Variants in RETREG1 observed in about 807,000 individuals in gnomAD.
RETREG1 encodes the protein reticulophagy regulator 1.
A neutral mutation model predicts 54.8 loss-of-function variants in RETREG1; 44 were observed. That is an observed-to-expected ratio of 0.80 (90% CI 0.63 to 1.03). The LOEUF is 1.03. Among genes scored for constraint, RETREG1 ranks in the 50% least tolerant of loss-of-function variants. The pLI is 0.00. For missense variants in RETREG1, 554 were observed against 605.1 expected (o/e 0.92, Z 0.89); for synonymous variants, 217 against 238.5 (o/e 0.91, Z 0.83).
At position 16,561,761 on chromosome 5, in the gene RETREG1, C is replaced by G. The variant is rs31288; in HGVS notation, c.458+4002G>C. Reference sequence around the variant, plus strand: ...CTCAAACAGCTTCTGTATTAAGAGACAGCACAGCAGAAATTCTCACATGCA... The same window carrying G: ...CTCAAACAGCTTCTGTATTAAGAGAGAGCACAGCAGAAATTCTCACATGCA... On this transcript the variant is annotated intron_variant, in intron 3 of 8. Transcript: ENST00000306320. This position sits in a 1 kb window ranked among gnomAD's most constrained non-coding sequence, Gnocchi z 4.2. Among the ~76,000 whole-genome samples, 129,352 of 152,206 alleles carry G rather than the reference C, an allele frequency of 0.85. 55,148 individuals carry two copies. Among genetic ancestry groups the G allele is most frequent in the African/African-American group, 0.93 (38,750 of 41,548 alleles).
intron 3 of RETREG1, among the ~76,000 whole-genome samples, chr5:16,556,733 A>T (rs1741718171): frequency 1.3e-5 from 2 of 152,342 alleles, no homozygotes; most frequent in Middle Eastern, 3.4e-3. Context: ...TTTAAGGAGA[A>T]CATGTTGCCT....
intron 1 of RETREG1, among the ~76,000 whole-genome samples, chr5:16,615,752 AATTT>A (rs1339703746): frequency 1.3e-5 from 2 of 152,132 alleles, no homozygotes; most frequent in South Asian, 2.1e-4. Context: ...TATTTTGTGC[AATTT>A]ATTTATTTCT....
At chr5:16,553,695 G>A (rs1027653750) in intron 3 of RETREG1, among the ~76,000 whole-genome samples, 8 of 152,082 alleles carry the variant, frequency 5.3e-5, no homozygotes, top group Non-Finnish European at 1.0e-4. Context: ...GCAGCAGGAC[G>A]GGGTGGGCGG....
At chr5:16,511,267 G>C (rs1165873485) in intron 3 of RETREG1, among the ~76,000 whole-genome samples, 2 of 152,146 alleles carry the variant, frequency 1.3e-5, no homozygotes, top group Non-Finnish European at 2.9e-5. Flanking sequence ...AAGCTGGGCA[G>C]CAGCCAGGAG....
At chr5:16,508,871 T>C in intron 3 of RETREG1, 2 of 1,366,100 alleles carry the variant, frequency 1.5e-6, no homozygotes, top group Non-Finnish European at 1.9e-6. Flanking sequence ...CTTCTAAAAA[T>C]AAATAGGTCA....
At chr5:16,489,040 G>A (rs187581814) in intron 3 of RETREG1, among the ~76,000 whole-genome samples, 75 of 122,810 alleles carry the variant, frequency 6.1e-4, no homozygotes, top group African/African-American at 1.4e-3. Flanking sequence ...CCGAGATAGC[G>A]CCACTGCACT....
rs1738409800 is a variant in RETREG1, at chr5:16,473,877, T to G, written c.*864A>C. 1 of 152,140 alleles carries G rather than the reference T, an allele frequency of 6.6e-6. No individual in the cohort carries two copies. Among genetic ancestry groups the G allele is most frequent in the African/African-American group, 2.4e-5 (1 of 41,436 alleles). 9.4% of individuals were successfully genotyped at this position (152,140 alleles called of 1,614,324 possible). ...AACTAGTTTCACAATTTTAGGAGAC[T>G]TTTTTCATGACATAATATAAAAGAT... On this transcript the variant is annotated 3_prime_UTR_variant, in exon 9 of 9. Transcript: ENST00000306320.
At chr5:16,610,273 C>T (rs1027340716) in intron 1 of RETREG1, among the ~76,000 whole-genome samples, 12 of 152,214 alleles carry the variant, frequency 7.9e-5, no homozygotes, top group African/African-American at 2.9e-4. Flanking sequence ...CCAGGTCTCC[C>T]GCCAGGGGTG....
chr5:16,474,669 CT>C lies in RETREG1; in HGVS notation c.*71del, dbSNP rs200951949. 89,110 of 1,226,476 alleles carry C rather than the reference CT, an allele frequency of 0.073. 7 individuals are homozygous for C. Among genetic ancestry groups the C allele is most frequent in the East Asian group, 0.14 (4,941 of 36,502 alleles). 76.0% of individuals were successfully genotyped at this position (1,226,476 alleles called of 1,614,324 possible). On this transcript the variant is annotated 3_prime_UTR_variant, in exon 9 of 9. Coordinates refer to ENST00000306320, the MANE Select transcript of RETREG1 (RefSeq NM_001034850.3). The stretch of plus-strand genomic sequence containing the variant: ...CTTACAGTTCAATTTTTTTCTTTTC[CT>C]TTTTTTTTTTTTTTTCTTGTTTGAA...
intron 1 of RETREG1, among the ~76,000 whole-genome samples, chr5:16,614,524 G>T (rs144557020): frequency 1.7e-4 from 26 of 152,194 alleles, no homozygotes; most frequent in African/African-American, 4.8e-4. Context: ...AATATTCTTC[G>T]CAAGAGTGTG....
At chr5:16,486,763 T>G (rs1739036576) in intron 3 of RETREG1, among the ~76,000 whole-genome samples, 1 of 152,166 alleles carries the variant, frequency 6.6e-6, no homozygotes, top group East Asian at 1.9e-4. Flanking sequence ...CCAGAAGAGA[T>G]GAGGTGTGAT....
intron 1 of RETREG1, among the ~76,000 whole-genome samples, chr5:16,603,393 G>A (rs1743098209): frequency 1.3e-5 from 2 of 152,162 alleles, no homozygotes; most frequent in South Asian, 4.1e-4. Flanking sequence ...CAAAGTCTCT[G>A]AAGAATATTT....
At chr5:16,496,414 T>C (rs892819283) in intron 3 of RETREG1, among the ~76,000 whole-genome samples, 3 of 152,144 alleles carry the variant, frequency 2.0e-5, no homozygotes, top group Non-Finnish European at 4.4e-5. Context: ...CCCATCCACA[T>C]TGCCACCAGC....
intron 3 of RETREG1, among the ~76,000 whole-genome samples, chr5:16,516,951 GAA>G (rs11286663): frequency 2.6e-5 from 4 of 150,974 alleles, no homozygotes; most frequent in Non-Finnish European, 4.4e-5. Flanking sequence ...AAAAGTAAAT[GAA>G]AAAAAAAATC....
chr5:16,480,399 T>C (rs534799128), intron 5 of RETREG1, among the ~76,000 whole-genome samples: 21 of 152,256 alleles, frequency 1.4e-4, no homozygotes, highest in African/African-American at 4.8e-4. Context: ...TGGATTATAT[T>C]CTGCTTTTGG....
chr5:16,586,440 C>T (rs760494636), intron 1 of RETREG1, among the ~76,000 whole-genome samples: 1 of 152,114 alleles, frequency 6.6e-6, no homozygotes, highest in Non-Finnish European at 1.5e-5. Context: ...CTAAAACTGC[C>T]TCATCATCAT....
chr5:16,532,308 C>T (rs62369719), intron 3 of RETREG1, among the ~76,000 whole-genome samples: 10 of 152,250 alleles, frequency 6.6e-5, no homozygotes, highest in South Asian at 2.1e-4. Context: ...GGGCAGATCA[C>T]GAGGTCAGGA....
Position 16,529,684 on chromosome 5 carries a change from A to G in RETREG1, c.458+36079T>C, listed in dbSNP as rs1740850837. Among the ~76,000 whole-genome samples the G allele has an allele frequency of 3.3e-5, 5 of 151,886 alleles. No homozygotes were observed. The South Asian group carries it at 1.0e-3, about 32-fold the overall frequency. On this transcript the variant is annotated intron_variant, in intron 3 of 8. Transcript: ENST00000306320. ...ACTGTTCAACAGCAAGCTTAGCCTTACTTGAGTTCTTAGCTATATCCGCTG... is the reference window on the plus strand; with the variant it reads ...ACTGTTCAACAGCAAGCTTAGCCTTGCTTGAGTTCTTAGCTATATCCGCTG...
At chr5:16,606,200 C>T (rs1403350016) in intron 1 of RETREG1, among the ~76,000 whole-genome samples, 1 of 152,118 alleles carries the variant, frequency 6.6e-6, no homozygotes, top group African/African-American at 2.4e-5. Flanking sequence ...CAGCTAAGGC[C>T]AGGAAGGAGC....
Sources: allele counts gnomAD v4.1 joint callset (sites outside exome capture counted in the v4.1 genomes callset), GRCh38; gene constraint gnomAD v4.1.1; non-coding constraint Gnocchi (gnomAD v3.1); transcripts MANE v1.5; gene names NCBI Gene and HGNC (gene_info 2026-07-23, HGNC 2026-07-21).